The following TM9SF2 variants were observed in gnomAD, a reference collection of about 807,000 sequenced individuals.
The protein encoded by TM9SF2 is 76 kDa membrane protein.
Under a neutral mutation model 84.9 loss-of-function variants are expected in TM9SF2, and 13 were observed. That is an observed-to-expected ratio of 0.15 (90% CI 0.10 to 0.24). The LOEUF (loss-of-function observed/expected upper bound fraction) is 0.24. Among genes scored for constraint, TM9SF2 ranks in the 10% least tolerant of loss-of-function variants. The pLI is 1.00. For missense variants in TM9SF2, 562 were observed against 818.5 expected, an observed-to-expected ratio of 0.69 and a Z score of 3.82; for synonymous variants, 273 against 285.8, an observed-to-expected ratio of 0.96 and a Z score of 0.45.
chr13:99,556,838 G>A (rs774641171), intron 15 of TM9SF2, among the ~76,000 whole-genome samples: 3 of 151,982 alleles, frequency 2.0e-5, no homozygotes, highest in Non-Finnish European at 2.9e-5. Flanking sequence ...CGCCTGCCTC[G>A]GCCTCCCAAC....
At chr13:99,509,005 A>G (rs1179299597) in intron 1 of TM9SF2, among the ~76,000 whole-genome samples, 17 of 152,220 alleles carry the variant, frequency 1.1e-4, no homozygotes, top group Admixed American at 1.1e-3. Context: ...TGACTGCAGC[A>G]TTAATTCAAA....
At chr13:99,545,353 T>C (rs529154289) in intron 10 of TM9SF2, among the ~76,000 whole-genome samples, 2 of 152,212 alleles carry the variant, frequency 1.3e-5, no homozygotes, top group South Asian at 4.1e-4. Context: ...TTTAATCTAC[T>C]AACAACTTAA....
rs1348699846 is a variant in TM9SF2 at position 99,501,534 on chromosome 13, T to A, written c.-73T>A. On this transcript the variant is annotated 5_prime_UTR_variant, in exon 1 of 17. Transcript: ENST00000376387. The stretch of plus-strand genomic sequence containing the variant: ...TTTATCTCTGGCGGCCTTGTAGTCG[T>A]CTCCGAGACTCCCCACCCCTCCTTC... 1.3e-6 allele frequency: 2 copies of A among 1,543,366 alleles called. No homozygotes were observed. The highest frequency in any genetic ancestry group is 2.8e-5 in the African/African-American group (2 of 71,690).
intron 13 of TM9SF2, among the ~76,000 whole-genome samples, chr13:99,553,616 T>A (rs542298456): frequency 3.2e-4 from 48 of 152,354 alleles, no homozygotes; most frequent in Non-Finnish European, 4.4e-4. Flanking sequence ...TATCAAGTTT[T>A]AAATTTTGGT....
Position 99,501,793 on chromosome 13 carries a change from C to T in TM9SF2, c.171+16C>T. On this transcript the variant is annotated intron_variant, in intron 1 of 16. Transcript: ENST00000376387. ...CGAGTGCAAGGTGGGTGAGGCCTGA[C>T]GAGCCCTCTGATGCACTGTTGGAAG... The T allele has an allele frequency of 1.2e-6, 2 of 1,603,904 alleles. No individual in the cohort carries two copies. Among genetic ancestry groups the T allele is most frequent in the Non-Finnish European group, 1.7e-6 (2 of 1,177,806 alleles).
At chr13:99,503,819 A>G (rs969850062) in intron 1 of TM9SF2, among the ~76,000 whole-genome samples, 1 of 152,124 alleles carries the variant, frequency 6.6e-6, no homozygotes, top group Non-Finnish European at 1.5e-5. Flanking sequence ...TGTTTTCTCA[A>G]CAGGTCCTTT....
chr13:99,522,423 T>C (rs1009991181), intron 3 of TM9SF2, among the ~76,000 whole-genome samples: 5 of 152,204 alleles, frequency 3.3e-5, no homozygotes, highest in African/African-American at 9.7e-5. Context: ...GATGAAGTCA[T>C]TGAGGAGGAA....
chr13:99,518,804 G>C (rs1454805605), intron 2 of TM9SF2, among the ~76,000 whole-genome samples: 2 of 147,920 alleles, frequency 1.4e-5, no homozygotes, highest in Non-Finnish European at 3.0e-5. Context: ...TGTGGTGATG[G>C]AGTACCACTC....
chr13:99,537,546 A>C (rs1325355379), intron 5 of TM9SF2, among the ~76,000 whole-genome samples, 193 bp from the exon 6 acceptor site: 1 of 152,216 alleles, frequency 6.6e-6, no homozygotes, highest in African/African-American at 2.4e-5. Context: ...AACTGTAAGA[A>C]GCATATACCT....
At chr13:99,536,870 A>G in intron 5 of TM9SF2, 133 bp downstream of exon 5, 1 of 937,090 alleles carries the variant, frequency 1.1e-6, no homozygotes, top group South Asian at 1.9e-5. Context: ...CAACTACTTC[A>G]ATCTTAAACT....
intron 9 of TM9SF2, 102 bp downstream of exon 9, chr13:99,541,769 C>A: frequency 1.4e-6 from 1 of 723,840 alleles, no homozygotes; most frequent in South Asian, 2.6e-5. Flanking sequence ...TTAAAACATT[C>A]TTCAAAAAAC....
At position 99,515,974 on chromosome 13, in the gene TM9SF2, C is replaced by T. The variant is rs545792619; in HGVS notation, c.172-1640C>T. The stretch of plus-strand genomic sequence containing the variant: ...CTCAATCTCCTGACCTCAGGTGATC[C>T]GCCCGCCTTGGCCTCCCAAAGTGCT... On this transcript the variant is annotated intron_variant, in intron 1 of 16. Transcript: ENST00000376387. 3.0e-4 allele frequency among the ~76,000 whole-genome samples: 45 copies of T among 152,250 alleles called. No individual in the cohort carries two copies. In the South Asian group the frequency reaches 6.8e-3, roughly 23 times the overall value.
chr13:99,563,027 T>C lies in TM9SF2; in HGVS notation c.*269T>C, dbSNP rs904820972. The C allele has an allele frequency of 1.4e-5, 4 of 290,802 alleles. No individual in the cohort carries two copies. Among genetic ancestry groups the C allele is most frequent in the Non-Finnish European group, 2.5e-5 (4 of 158,048 alleles). The allele number at this position is 290,802 out of a possible 1,614,324, so 18.0% of individuals were successfully genotyped here. ...TTTAAATATTATGTGCATTTGTAAA[T>C]ACAGTAGCTATAAAATTTTCCATAC... is the stretch of plus-strand genomic sequence containing the variant. On this transcript the variant is annotated 3_prime_UTR_variant, in exon 17 of 17. Transcript: ENST00000376387.
intron 14 of TM9SF2, among the ~76,000 whole-genome samples, chr13:99,554,853 C>G (rs1191435464): frequency 6.6e-6 from 1 of 152,168 alleles, no homozygotes; most frequent in African/African-American, 2.4e-5. Context: ...CTGCACTGTT[C>G]AGAGAAGATC....
intron 1 of TM9SF2, among the ~76,000 whole-genome samples, chr13:99,503,876 G>A (rs775271509): frequency 1.4e-4 from 21 of 152,082 alleles, no homozygotes; most frequent in Non-Finnish European, 2.6e-4. Context: ...TTAATCTTGG[G>A]AGTCATTTTG....
chr13:99,545,529 A>G (rs1461132150), intron 10 of TM9SF2, among the ~76,000 whole-genome samples: 2 of 152,142 alleles, frequency 1.3e-5, no homozygotes, highest in Non-Finnish European at 2.9e-5. Flanking sequence ...AACTAGACTT[A>G]GAGCAGAATG....
chr13:99,534,420 T>C (rs2046224703), intron 4 of TM9SF2, among the ~76,000 whole-genome samples: 1 of 152,196 alleles, frequency 6.6e-6, no homozygotes, highest in African/African-American at 2.4e-5. Flanking sequence ...GCTACCCTCT[T>C]TGGGTCACCT....
Position 99,550,191 on chromosome 13 carries a change from T to C in TM9SF2, c.1328+969T>C, listed in dbSNP as rs184589756. 2.0e-5 allele frequency among the ~76,000 whole-genome samples: 3 copies of C among 152,304 alleles called. No individual in the cohort carries two copies. The East Asian group carries it at 5.8e-4, about 29-fold the overall frequency. ...TATGTGGTTCTTTTATTCCTCCAAA[T>C]AGGCTCATGTCTCCCCTAAAAAGGG... On this transcript the variant is annotated intron_variant, in intron 12 of 16. Transcript: ENST00000376387.
At chr13:99,522,931 A>T (rs918561293) in intron 3 of TM9SF2, among the ~76,000 whole-genome samples, 22 of 152,154 alleles carry the variant, frequency 1.4e-4, no homozygotes, top group Admixed American at 1.1e-3. Context: ...GTTGAGGTTA[A>T]ATATAATAAA....
Sources: gnomAD v4.1 joint callset for allele counts (sites outside exome capture counted in the v4.1 genomes callset) on GRCh38, gnomAD v4.1.1 for gene constraint, MANE v1.5 for transcripts, NCBI Gene and HGNC (gene_info 2026-07-23, HGNC 2026-07-21) for gene names.